Variants in MEGF6 observed in about 807,000 individuals in gnomAD.
MEGF6 encodes multiple EGF like domains 6.
MEGF6 carries 184 observed loss-of-function variants against 207.1 expected under a neutral mutation model. That is an observed-to-expected ratio of 0.89 (90% confidence interval 0.79 to 1.00). The LOEUF is 1.00. Among genes scored for constraint, MEGF6 ranks in the 50% least tolerant of loss-of-function variants. MEGF6 has a pLI of 0.00. For synonymous variants in MEGF6, 1,038 were observed against 910.0 expected, an observed-to-expected ratio of 1.14 and a Z score of -2.53; for missense variants, 2,282 against 2,202.9, an observed-to-expected ratio of 1.04 and a Z score of -0.72.
intron 2 of MEGF6, among the ~76,000 whole-genome samples, chr1:3,598,115 C>T (rs887758725): frequency 2.6e-5 from 4 of 152,148 alleles, no homozygotes; most frequent in Non-Finnish European, 5.9e-5. Context: ...CCATCTCTGC[C>T]GCTGTCTGCA....
chr1:3,583,244 C>T (rs1400073182), intron 3 of MEGF6, among the ~76,000 whole-genome samples: 5 of 152,136 alleles, frequency 3.3e-5, no homozygotes, highest in East Asian at 1.9e-4. Context: ...GCATCCCCTC[C>T]GCACTGCAGC....
intron 2 of MEGF6, among the ~76,000 whole-genome samples, chr1:3,601,851 G>A (rs12410528): frequency 0.45 from 68,076 of 152,134 alleles, 18,024 homozygotes; most frequent in Non-Finnish European, 0.59. Flanking sequence ...GCAGGGCCTC[G>A]GCTCCTCCGC....
chr1:3,525,021 G>A (rs1641908505), intron 4 of MEGF6, among the ~76,000 whole-genome samples: 1 of 152,196 alleles, frequency 6.6e-6, no homozygotes, highest in Non-Finnish European at 1.5e-5. Flanking sequence ...GCCTCCAGAT[G>A]GCGACAGAAG....
chr1:3,529,302 T>G (rs1642069047), intron 4 of MEGF6, among the ~76,000 whole-genome samples: 1 of 152,084 alleles, frequency 6.6e-6, no homozygotes, highest in South Asian at 2.1e-4. Flanking sequence ...CGAAAGGAGC[T>G]TGGAGGCCCC....
At chr1:3,538,022 C>T (rs916931243) in intron 4 of MEGF6, among the ~76,000 whole-genome samples, 1 of 152,158 alleles carries the variant, frequency 6.6e-6, no homozygotes, top group African/African-American at 2.4e-5. Flanking sequence ...CAGCATGGCC[C>T]AGAAGGTACT....
At chr1:3,523,051 G>A (rs1432875633) in intron 5 of MEGF6, among the ~76,000 whole-genome samples, 3 of 150,356 alleles carry the variant, frequency 2.0e-5, no homozygotes, top group Non-Finnish European at 4.4e-5. Context: ...TCCCCATGGT[G>A]GCCGGGACAT....
chr1:3,578,325 C>T (rs1002756155), intron 4 of MEGF6, among the ~76,000 whole-genome samples: 1 of 152,222 alleles, frequency 6.6e-6, no homozygotes, highest in African/African-American at 2.4e-5. Context: ...GACGGAAAGG[C>T]CCTCGGGACA....
Position 3,497,225 on chromosome 1 carries a change from G to T in MEGF6, c.3481+8C>A. ...CGCTCCTCGGGGTGGGGGCTTGGGAGCACCTACCCTGCTCGCAGCCGGAGC... is the reference window on the plus strand; with the variant it reads ...CGCTCCTCGGGGTGGGGGCTTGGGATCACCTACCCTGCTCGCAGCCGGAGC... On this transcript the variant is annotated splice_region_variant and intron_variant, in intron 27 of 36. Coordinates refer to ENST00000356575, the MANE Select transcript of MEGF6 (RefSeq NM_001409.4). 1.3e-6 allele frequency: 2 copies of T among 1,503,192 alleles called. No homozygotes were observed. 93.1% of individuals were successfully genotyped at this position (1,503,192 alleles called of 1,614,324 possible). A position where few individuals can be genotyped will look rare whatever the true frequency, so the allele number is the denominator to read the frequency against.
intron 10 of MEGF6, 79 bp downstream of exon 10, chr1:3,510,704 A>T: frequency 6.6e-7 from 1 of 1,508,046 alleles, no homozygotes. Context: ...TGGGGGTACC[A>T]GAGCCAGCCC....
intron 17 of MEGF6, among the ~76,000 whole-genome samples, chr1:3,502,290 G>C (rs1469803362): frequency 6.6e-6 from 1 of 152,134 alleles, no homozygotes; most frequent in Admixed American, 6.5e-5. Context: ...CGGCCATCCA[G>C]GACCCTGGAG....
In MEGF6 at chr1:3,602,480, C is replaced by T; in HGVS notation, c.252G>A (p.Val84=). 6.2e-7 allele frequency: 1 copy of T among 1,613,384 alleles called. No homozygotes were observed. The highest frequency in any genetic ancestry group is 1.1e-5 in the South Asian group (1 of 91,080). The change falls in exon 2 of 37, where the codon GTG becomes GTA. Residue 84 remains valine (V), a synonymous_variant. Transcript: ENST00000356575. The part of the protein sequence containing the change: ...KAGCGWQAWC[V]GHERRTVYYM... ...CCTGCACTTACCTCCGCTCATGACC[C>T]ACGCACCACGCCTGCCACCCACAGC...
intron 5 of MEGF6, among the ~76,000 whole-genome samples, chr1:3,522,953 G>A (rs1014865066): frequency 3.3e-5 from 5 of 152,188 alleles, no homozygotes; most frequent in Admixed American, 2.0e-4. Context: ...CCGCACCCCC[G>A]TCTCCGTTGT....
chr1:3,526,500 C>A (rs968809541), intron 4 of MEGF6, among the ~76,000 whole-genome samples: 5 of 151,132 alleles, frequency 3.3e-5, no homozygotes, highest in African/African-American at 1.2e-4. Flanking sequence ...CAGGTTCAAG[C>A]GGTTCTCCCT....
chr1:3,563,248 C>T (rs970936178), intron 4 of MEGF6, among the ~76,000 whole-genome samples: 2 of 152,142 alleles, frequency 1.3e-5, no homozygotes, highest in African/African-American at 4.8e-5. Flanking sequence ...GGGGTCCAAG[C>T]CCATCTCCCT....
At chr1:3,504,205 G>A (rs777586031) in intron 17 of MEGF6, among the ~76,000 whole-genome samples, 8 of 152,166 alleles carry the variant, frequency 5.3e-5, no homozygotes, top group Non-Finnish European at 7.4e-5. Context: ...GGTCATGCTG[G>A]TCACACAGCA....
In MEGF6 at chr1:3,512,027, C is replaced by T. The variant is rs202242273; in HGVS notation, c.955G>A (p.Ala319Thr). ...TCACGGTAGCACTGCCGGCCATCGG[C>T]GCCCAGCTCATAGCCCGCGTGACAC... ...CVCHAGYELG[A>T]DGRQCYRIEM... The change falls in exon 8 of 37, where the codon GCC (alanine) becomes ACC (threonine). Residue 319 changes from alanine to threonine, a missense_variant. Ala to Thr is a moderately conservative substitution (Grantham distance 58). Transcript: ENST00000356575. The T allele has an allele frequency of 1.5e-4, 236 of 1,612,538 alleles. No homozygotes were observed. Among genetic ancestry groups the T allele is most frequent in the Middle Eastern group, 6.9e-4 (4 of 5,834 alleles).
intron 18 of MEGF6, 134 bp from the exon 19 acceptor site, chr1:3,501,442 A>G: frequency 7.5e-7 from 1 of 1,327,640 alleles, no homozygotes; most frequent in Non-Finnish European, 1.0e-6. Context: ...TGCCCCGGGG[A>G]GGGGAGAGGA....
Position 3,500,639 on chromosome 1 carries a change from C to G in MEGF6, c.2701G>C (p.Glu901Gln), listed in dbSNP as rs1032462038. The part of the protein sequence containing the change: ...CEAGYVGPRC[E>Q]QQCPQGHFGP... ...AGGCAGGGCCGGGACTCACGCTGCT[C>G]GCACCGCGGGCCCACGTAGCCAGCC... Residue 901 changes from glutamate (E) to glutamine (Q), a missense_variant, in exon 21 of 37, where the codon GAG becomes CAG. Transcript: ENST00000356575. 5 of 1,556,810 alleles carry G rather than the reference C, an allele frequency of 3.2e-6. No homozygotes were observed. Among genetic ancestry groups the G allele is most frequent in the Non-Finnish European group, 4.3e-6 (5 of 1,150,676 alleles).
intron 4 of MEGF6, among the ~76,000 whole-genome samples, chr1:3,577,943 C>T (rs1213494794): frequency 1.3e-5 from 2 of 152,224 alleles, no homozygotes; most frequent in Non-Finnish European, 2.9e-5. Flanking sequence ...CAGTGAGCCT[C>T]CTGCAAGCCC....
Sources: allele counts gnomAD v4.1 joint callset (sites outside exome capture counted in the v4.1 genomes callset), GRCh38; gene constraint gnomAD v4.1.1; transcripts MANE v1.5; gene names NCBI Gene and HGNC (gene_info 2026-07-23, HGNC 2026-07-21).